LAD1: variants seen among roughly 807,000 people sequenced by gnomAD.
The protein encoded by LAD1 is ladinin 1, also known as ladinin-1.
Under a neutral mutation model 54.2 loss-of-function variants are expected in LAD1, and 53 were observed. The observed-to-expected ratio is 0.98, with a 90% CI of 0.78 to 1.23. The LOEUF is 1.23. Among genes scored for constraint, LAD1 ranks in the 50% most tolerant of loss-of-function variants. The pLI, the probability that LAD1 is intolerant of heterozygous loss-of-function variation, is 0.00. For synonymous variants in LAD1, 231 were observed against 257.7 expected (o/e 0.90, Z 0.99); for missense variants, 637 against 653.3 (o/e 0.98, Z 0.27).
chr1:201,386,936 G>T lies in LAD1; in HGVS notation c.425C>A (p.Pro142His). ...LVSKKELEIP[P>H]RRRLSREQRG... ...CTGTTCCCGACTCAGTCTCCGGCGAGGTGGGATTTCCAGTTCCTTCTTGGA... is the reference window on the plus strand; with the variant it reads ...CTGTTCCCGACTCAGTCTCCGGCGATGTGGGATTTCCAGTTCCTTCTTGGA... The change falls in exon 3 of 10, where the codon CCT (proline) becomes CAT (histidine). Residue 142 changes from proline to histidine, a missense_variant. Coordinates refer to ENST00000391967, the MANE Select transcript of LAD1 (RefSeq NM_005558.4). The T allele has an allele frequency of 6.2e-7, 1 of 1,612,342 alleles. No individual in the cohort carries two copies. The highest frequency in any genetic ancestry group is 8.5e-7 in the Non-Finnish European group (1 of 1,179,580).
chr1:201,399,203 C>T (rs571000148), intron 1 of LAD1, 66 bp downstream of exon 1: 7 of 1,323,412 alleles, frequency 5.3e-6, no homozygotes, highest in Non-Finnish European at 7.3e-6. Flanking sequence ...GCCGGTGCCC[C>T]GAGGAGAGGA....
At chr1:201,386,114 C>A (rs1662079308) in intron 3 of LAD1, among the ~76,000 whole-genome samples, 1 of 152,198 alleles carries the variant, frequency 6.6e-6, no homozygotes, top group South Asian at 2.1e-4. Context: ...GCTCCCTGCC[C>A]CACAGCTGGT....
chr1:201,385,783 T>C lies in LAD1; in HGVS notation c.1049A>G (p.Glu350Gly). The stretch of plus-strand genomic sequence containing the variant: ...TGTGGGTGAGGACATATCTGCCTCT[T>C]CCTCCTTGCTGGGGATTTTCACCTG... Reference protein sequence around the residue: ...TLQVKIPSKEEEADMSSPTQR... With the variant: ...TLQVKIPSKEGEADMSSPTQR... The change falls in exon 4 of 10, where the codon GAA (glutamate) becomes GGA (glycine). Residue 350 changes from glutamate to glycine, a missense_variant. Physicochemically the swap from Glu to Gly is moderately conservative, Grantham distance 98. Transcript: ENST00000391967. The C allele has an allele frequency of 1.9e-6, 3 of 1,614,002 alleles. No individual in the cohort carries two copies. The highest frequency in any genetic ancestry group is 1.7e-6 in the Non-Finnish European group (2 of 1,179,884).
chr1:201,386,882 C>T lies in LAD1; in HGVS notation c.479G>A (p.Ser160Asn), dbSNP rs1301976941. 7 of 1,613,178 alleles carry T rather than the reference C, an allele frequency of 4.3e-6. No individual in the cohort carries two copies. In the Admixed American group the frequency reaches 1.2e-4, roughly 27 times the overall value. Residue 160 changes from serine (S) to asparagine (N), a missense_variant, in exon 3 of 10, where the codon AGC becomes AAC. Coordinates refer to ENST00000391967, the MANE Select transcript of LAD1 (RefSeq NM_005558.4). The part of the protein sequence containing the change: ...QRGPWALEEE[S>N]LVGREPEERK... ...CTCTTCTGGCTCCCTGCCCACCAAG[C>T]TCTCCTCCTCCAGGGCCCAGGGGCC...
chr1:201,382,501 G>A (rs1650858700), intron 8 of LAD1, 152 bp downstream of exon 8: 1 of 747,180 alleles, frequency 1.3e-6, no homozygotes, highest in African/African-American at 1.8e-5. Flanking sequence ...ATCTATTCCC[G>A]ACTGCCTCCA....
rs770662028 is a variant in LAD1, at chr1:201,386,486, G to A, written c.875C>T (p.Ala292Val). The change falls in exon 3 of 10, where the codon GCG (alanine) becomes GTG (valine). Residue 292 changes from alanine to valine, a missense_variant. Transcript: ENST00000391967. ...TCCCCCAGAGGCTGGCGGCTCCTGC[G>A]CCAGGGGCTGCTCTGAGGCTGTGGC... ...KRATASEQPL[A>V]QEPPASGGSP... is the part of the protein sequence containing the mutation. 1.8e-5 allele frequency: 28 copies of A among 1,559,756 alleles called. No individual in the cohort carries two copies. The highest frequency in any genetic ancestry group is 1.6e-4 in the East Asian group (7 of 44,528).
rs752787009 is a variant in LAD1, at chr1:201,383,372, G to A, written c.1193C>T (p.Pro398Leu). 3 of 1,614,060 alleles carry A rather than the reference G, an allele frequency of 1.9e-6. No homozygotes were observed. The highest frequency in any genetic ancestry group is 2.2e-5 in the South Asian group (2 of 91,074). ...TLTRSASMKL[P>L]DNTVKLGEKL... ...CTCTCCCAACTTCACTGTGTTGTCT[G>A]GGAGCTTCATGCTGGCACTGCAGGA... The change falls in exon 6 of 10, where the codon CCA (proline) becomes CTA (leucine). Residue 398 changes from proline (P) to leucine (L), a missense_variant. Pro to Leu is a moderately conservative substitution (Grantham distance 98). Transcript: ENST00000391967.
chr1:201,386,263 C>CCAGG lies in LAD1; in HGVS notation c.1026+71_1026+72insCCTG, dbSNP rs541639103. The CCAGG allele has an allele frequency of 8.6e-5, 116 of 1,344,814 alleles. 2 individuals carry two copies. The Admixed American group carries it at 2.9e-3, about 34-fold the overall frequency. The allele number at this position is 1,344,814 out of a possible 1,614,324, so 83.3% of individuals were successfully genotyped here. A position where few individuals can be genotyped will look rare whatever the true frequency, so the allele number is the denominator to read the frequency against. ...AGGCAGCCAGGGAACCAGGGACTAC[C>CCAGG]TGGGTGGGACTGGCCGGCAGTGCCA... On this transcript the variant is annotated intron_variant, in intron 3 of 9. Coordinates refer to ENST00000391967, the MANE Select transcript of LAD1 (RefSeq NM_005558.4).
chr1:201,383,265 T>C, intron 6 of LAD1, 52 bp downstream of exon 6: 1 of 1,613,996 alleles, frequency 6.2e-7, no homozygotes. Context: ...GAAAGGGCCA[T>C]GCCCACTACT....
In LAD1 at chr1:201,380,976, G is replaced by A. The variant is rs1365729074; in HGVS notation, c.*912C>T. On this transcript the variant is annotated 3_prime_UTR_variant, in exon 10 of 10. Coordinates refer to ENST00000391967, the MANE Select transcript of LAD1 (RefSeq NM_005558.4). Reference sequence around the variant, plus strand: ...GCTCCAAGCTCATAGGAGCCATGAGGTCCAGAGCATGGGGGTGGGGGTTGG... The same window carrying A: ...GCTCCAAGCTCATAGGAGCCATGAGATCCAGAGCATGGGGGTGGGGGTTGG... 6.6e-6 allele frequency: 1 copy of A among 151,726 alleles called. No individual in the cohort carries two copies. Among genetic ancestry groups the A allele is most frequent in the Non-Finnish European group, 1.5e-5 (1 of 67,986 alleles). 9.4% of individuals were successfully genotyped at this position (151,726 alleles called of 1,614,324 possible). A position where few individuals can be genotyped will look rare whatever the true frequency, so the allele number is the denominator to read the frequency against.
chr1:201,383,151 C>T lies in LAD1; in HGVS notation c.1309G>A (p.Gly437Ser), dbSNP rs1661997007. ...AAGAGGTGGCGCTTGCTGGCTACAC[C>T]CACAGGAGCCACGAATAACTCAGTG... ...PCTELFVAPV[G>S]VASKRHLFEK... The change falls in exon 7 of 10, where the codon GGT (glycine) becomes AGT (serine). Residue 437 changes from glycine (G) to serine (S), a missense_variant. Gly to Ser is a moderately conservative substitution (Grantham distance 56). Coordinates refer to ENST00000391967, the MANE Select transcript of LAD1 (RefSeq NM_005558.4). The T allele has an allele frequency of 6.2e-7, 1 of 1,613,964 alleles. No individual in the cohort carries two copies. Among genetic ancestry groups the T allele is most frequent in the South Asian group, 1.1e-5 (1 of 91,072 alleles).
rs1420779452 is a variant in LAD1 at position 201,386,624 on chromosome 1, C to G, written c.737G>C (p.Gly246Ala). The G allele has an allele frequency of 2.5e-6, 4 of 1,614,032 alleles. No individual in the cohort carries two copies. Among genetic ancestry groups the G allele is most frequent in the Admixed American group, 1.7e-5 (1 of 60,000 alleles). ...TSVSEKSLAP[G>A]MALGSGRRLV... ...CCTCCTTCCTGAGCCCAGTGCCATC[C>G]CTGGGGCCAGCGACTTCTCAGAGAC... The change falls in exon 3 of 10, where the codon GGG becomes GCG. Residue 246 changes from glycine to alanine, a missense_variant. Gly to Ala is a moderately conservative substitution (Grantham distance 60). Transcript: ENST00000391967.
rs751717502 is a variant in LAD1 at position 201,381,859 on chromosome 1, G to A, written c.*29C>T. 3 of 1,613,520 alleles carry A rather than the reference G, an allele frequency of 1.9e-6. No individual in the cohort carries two copies. The highest frequency in any genetic ancestry group is 2.2e-5 in the South Asian group (2 of 91,064). On this transcript the variant is annotated 3_prime_UTR_variant, in exon 10 of 10. Transcript: ENST00000391967. ...CATGAGGGAGGTCCCTTGAGACGAA[G>A]ACTTGCAGGTCTGTCTTGGCGGGGC...
chr1:201,382,148 T>C (rs1327807439), intron 9 of LAD1, 104 bp downstream of exon 9: 6 of 1,022,032 alleles, frequency 5.9e-6, no homozygotes, highest in East Asian at 2.4e-5. Flanking sequence ...CTGGGTGGAC[T>C]GCGCGATTGC....
rs183601359 is a variant in LAD1 at position 201,391,096 on chromosome 1, T to C, written c.39-1793A>G. ...CATTTACCCATGGAAAAAACTCCAA[T>C]ATCGCCTTCCTTTCACTTCCCAGGG... On this transcript the variant is annotated intron_variant, in intron 1 of 9. Coordinates refer to ENST00000391967, the MANE Select transcript of LAD1 (RefSeq NM_005558.4). 8.8e-6 allele frequency: 4 copies of C among 456,576 alleles called. No individual in the cohort carries two copies. The East Asian group carries it at 2.8e-4, about 32-fold the overall frequency. 28.3% of individuals were successfully genotyped at this position (456,576 alleles called of 1,614,324 possible). A position where few individuals can be genotyped will look rare whatever the true frequency, so the allele number is the denominator to read the frequency against.
At chr1:201,385,018 A>G (rs139139691) in intron 4 of LAD1, among the ~76,000 whole-genome samples, 183 bp from the exon 5 acceptor site, 1 of 152,176 alleles carries the variant, frequency 6.6e-6, no homozygotes, top group Non-Finnish European at 1.5e-5. Flanking sequence ...CCTTGTTTGT[A>G]TCTGGAAGAC....
rs759226751 is a variant in LAD1, at chr1:201,383,110, C to A, written c.1350G>T (p.Ala450=). 1 of 1,614,092 alleles carries A rather than the reference C, an allele frequency of 6.2e-7. No homozygotes were observed. The highest frequency in any genetic ancestry group is 1.3e-5 in the African/African-American group (1 of 75,048). The part of the protein sequence containing the change: ...SKRHLFEKEL[A]GQSRAEPASS... ...AGGCTGGTTCTGCTCGGCTCTGGCC[C>A]GCCAGTTCCTTCTCAAAGAGGTGGC... The change falls in exon 7 of 10, where the codon GCG becomes GCT. Residue 450 remains alanine (A), a synonymous_variant. Transcript: ENST00000391967.
intron 1 of LAD1, among the ~76,000 whole-genome samples, chr1:201,395,047 C>A (rs961414548): frequency 6.6e-6 from 1 of 152,174 alleles, no homozygotes; most frequent in Non-Finnish European, 1.5e-5. Context: ...ACCCAGGGAT[C>A]CTTGAGTGTC....
At position 201,389,259 on chromosome 1, in the gene LAD1, C is replaced by A; in HGVS notation, c.83G>T (p.Arg28Leu). 6.2e-7 allele frequency: 1 copy of A among 1,614,000 alleles called. No homozygotes were observed. The highest frequency in any genetic ancestry group is 8.5e-7 in the Non-Finnish European group (1 of 1,180,004). The change falls in exon 2 of 10, where the codon CGC (arginine) becomes CTC (leucine). Residue 28 changes from arginine to leucine, a missense_variant. By Grantham distance (102) the Arg-to-Leu change is moderately radical (BLOSUM62 -2). Coordinates refer to ENST00000391967, the MANE Select transcript of LAD1 (RefSeq NM_005558.4). The stretch of plus-strand genomic sequence containing the variant: ...GTTGCGGTGCCGCCGCCTGCGCTCG[C>A]GCTCCTGTTCCTCCTCATCCTCCAG... ...RTLEDEEEQE[R>L]ERRRRHRNLS...
Sources: gnomAD v4.1 joint callset for allele counts (sites outside exome capture counted in the v4.1 genomes callset) on GRCh38, gnomAD v4.1.1 for gene constraint, MANE v1.5 for transcripts, NCBI Gene and HGNC (gene_info 2026-07-23, HGNC 2026-07-21) for gene names.